The following LZTFL1 variants were observed in gnomAD, a reference collection of about 807,000 sequenced individuals.
LZTFL1 encodes leucine zipper transcription factor like 1, also known as leucine zipper transcription factor-like protein 1.
Under a neutral mutation model 45.9 loss-of-function variants are expected in LZTFL1, and 25 were observed. That is an observed-to-expected ratio of 0.54 (90% CI 0.40 to 0.76). LZTFL1 has a LOEUF of 0.76. Ranked by LOEUF, LZTFL1 falls within the 30% of genes least tolerant of loss-of-function variation. LZTFL1 has a pLI of 0.00. For synonymous variants in LZTFL1, 93 were observed against 117.4 expected, an observed-to-expected ratio of 0.79 and a Z score of 1.35; for missense variants, 277 against 331.1, an observed-to-expected ratio of 0.84 and a Z score of 1.27.
At position 45,842,020 on chromosome 3, in the gene LZTFL1, G is replaced by T. The variant is rs377462286; in HGVS notation, c.-29C>A. On this transcript the variant is annotated 5_prime_UTR_variant, in exon 1 of 10. Coordinates refer to ENST00000296135, the MANE Select transcript of LZTFL1 (RefSeq NM_020347.4). ...GGCAGGCAGCGGCGGCAGCCTAAAG[G>T]AACGGGAGAGGCCAGGCGGTGCCCC... is the stretch of plus-strand genomic sequence containing the variant. 1.2e-6 allele frequency: 2 copies of T among 1,607,506 alleles called. No homozygotes were observed. The highest frequency in any genetic ancestry group is 1.1e-5 in the South Asian group (1 of 90,544).
chr3:45,894,926 G>C, intron 2 of LZTFL1: 1 of 1,613,982 alleles, frequency 6.2e-7, no homozygotes, highest in Non-Finnish European at 8.5e-7. Context: ...GCATCTGACT[G>C]ACCCACCATG....
chr3:45,868,873 C>T (rs1043117918), intron 2 of LZTFL1, among the ~76,000 whole-genome samples: 6 of 152,302 alleles, frequency 3.9e-5, no homozygotes, highest in Non-Finnish European at 5.9e-5. Context: ...AAGACTCTCC[C>T]TTGACATCCA....
rs1179744965 is a variant in LZTFL1 at position 45,901,144 on chromosome 3, G to T, written c.-215+11976C>A. The stretch of plus-strand genomic sequence containing the variant: ...CAGTGGAAGTTCCAGACCTTCATGT[G>T]CAAGGTGGTCAACAGCATGTACAAG... On this transcript the variant is annotated intron_variant, in intron 2 of 4. Transcript: ENST00000472635. The surrounding 1 kb of genome is among the most constrained non-coding windows in gnomAD (Gnocchi z 4.3). 1 of 1,614,172 alleles carries T rather than the reference G, an allele frequency of 6.2e-7. No homozygotes were observed. The highest frequency in any genetic ancestry group is 1.7e-5 in the Admixed American group (1 of 60,032).
intron 2 of LZTFL1, among the ~76,000 whole-genome samples, chr3:45,896,660 C>A (rs1483606468): frequency 6.6e-6 from 1 of 152,194 alleles, no homozygotes; most frequent in Non-Finnish European, 1.5e-5. Flanking sequence ...GGGTGAATGT[C>A]AAAGCACTGA....
chr3:45,903,456 G>A (rs181251414), intron 2 of LZTFL1, among the ~76,000 whole-genome samples: 42 of 152,320 alleles, frequency 2.8e-4, no homozygotes, highest in Admixed American at 1.0e-3. Flanking sequence ...AGGACTATTG[G>A]AACAGCACAG....
At position 45,851,312 on chromosome 3, in the gene LZTFL1, C is replaced by T. The variant is rs888169118; in HGVS notation, c.-49+3674G>A. Among the ~76,000 whole-genome samples the T allele has an allele frequency of 7.9e-5, 12 of 151,446 alleles. 1 individual carries two copies. The East Asian group carries it at 1.6e-3, about 20-fold the overall frequency. On this transcript the variant is annotated intron_variant, in intron 4 of 4. Transcript: ENST00000472635. ...CATGATCTCGGCTCACTGCAACCTC[C>T]GCCTCCTGGGTTCAAGCGATTCTCC...
intron 1 of LZTFL1, chr3:45,915,389 G>A: frequency 7.7e-6 from 3 of 391,426 alleles, no homozygotes; most frequent in South Asian, 5.5e-5. Context: ...CCTCTCTCAA[G>A]CCAGGGAGAA....
intron 9 of LZTFL1, 186 bp downstream of exon 9, chr3:45,827,170 A>G (rs1700689306): frequency 1.8e-6 from 1 of 565,646 alleles, no homozygotes; most frequent in Non-Finnish European, 3.1e-6. Context: ...ACCTAAAAAG[A>G]AGCCCTGGTG....
chr3:45,897,909 C>T (rs180682570), intron 2 of LZTFL1, among the ~76,000 whole-genome samples: 2 of 145,986 alleles, frequency 1.4e-5, no homozygotes, highest in East Asian at 4.2e-4. Flanking sequence ...ATCTGTGAGG[C>T]TGCTTGCGAT....
chr3:45,892,014 C>A (rs1367333004), intron 2 of LZTFL1, among the ~76,000 whole-genome samples: 2 of 152,072 alleles, frequency 1.3e-5, no homozygotes, highest in Non-Finnish European at 2.9e-5. Context: ...GTCTTCAAAT[C>A]CAACACCATC....
rs1057003596 is a variant in LZTFL1, at chr3:45,828,619, T to C, written c.601-4A>G. On this transcript the variant is annotated splice_region_variant and splice_polypyrimidine_tract_variant and intron_variant, in intron 7 of 9. Coordinates refer to ENST00000296135, the MANE Select transcript of LZTFL1 (RefSeq NM_020347.4). ...AGTCTTGGGCCTTTATAAAATCCTA[T>C]GAAAAATAAATGCATGCATGTAATT... The C allele has an allele frequency of 6.3e-7, 1 of 1,599,974 alleles. No homozygotes were observed.
At chr3:45,846,917 G>A (rs1049670689), upstream of LZTFL1, among the ~76,000 whole-genome samples, 3 of 152,010 alleles carry the variant, frequency 2.0e-5, no homozygotes, top group African/African-American at 4.8e-5. Flanking sequence ...TCCTTCTTCC[G>A]CCATTTGCAT....
In LZTFL1 at chr3:45,855,158, C is replaced by T. The variant is rs1701370009; in HGVS notation, c.-137-84G>A. 1.4e-4 allele frequency: 111 copies of T among 805,858 alleles called. 3 individuals are homozygous for T. The South Asian group carries it at 1.8e-3, about 13-fold the overall frequency. The allele number at this position is 805,858 out of a possible 1,614,324, so 49.9% of individuals were successfully genotyped here. ...ATATGATGAACATCAATGCAAAAAT[C>T]CTCAATAAAATACTGGCAAACCGAA... On this transcript the variant is annotated intron_variant, in intron 3 of 4. Coordinates refer to the LZTFL1 transcript ENST00000472635.
At chr3:45,887,344 A>C (rs1217043704) in intron 2 of LZTFL1, among the ~76,000 whole-genome samples, 1 of 152,112 alleles carries the variant, frequency 6.6e-6, no homozygotes, top group African/African-American at 2.4e-5. Context: ...AAACTAGGAA[A>C]GGGTGCTTCA....
chr3:45,826,734 G>A (rs1700676997), intron 9 of LZTFL1, among the ~76,000 whole-genome samples: 3 of 152,196 alleles, frequency 2.0e-5, no homozygotes, highest in African/African-American at 7.2e-5. Context: ...TGTCAACTCA[G>A]TTTCCAGGCA....
At chr3:45,891,412 C>T (rs1702175033) in intron 2 of LZTFL1, among the ~76,000 whole-genome samples, 1 of 152,084 alleles carries the variant, frequency 6.6e-6, no homozygotes, top group South Asian at 2.1e-4. Flanking sequence ...TCATTTTGTC[C>T]TACTGGCTTT....
chr3:45,894,856 A>G (rs1323987658), intron 2 of LZTFL1: 1 of 1,315,610 alleles, frequency 7.6e-7, no homozygotes, highest in Non-Finnish European at 1.1e-6. Flanking sequence ...TTTGGTTGTT[A>G]CTATTCGTTT....
In LZTFL1 at chr3:45,900,676, C is replaced by T; in HGVS notation, c.-215+12444G>A. The T allele has an allele frequency of 8.7e-6, 7 of 802,980 alleles. No individual in the cohort carries two copies. Among genetic ancestry groups the T allele is most frequent in the Non-Finnish European group, 8.0e-6 (4 of 499,732 alleles). 49.7% of individuals were successfully genotyped at this position (802,980 alleles called of 1,614,324 possible). A position where few individuals can be genotyped will look rare whatever the true frequency, so the allele number is the denominator to read the frequency against. The stretch of plus-strand genomic sequence containing the variant: ...ATGTCACAACCCAAGCAGATGTCCT[C>T]AGAATGCCTATGTGTCTTTGGCCTT... On this transcript the variant is annotated intron_variant, in intron 2 of 4. Transcript: ENST00000472635. This position sits in a 1 kb window ranked among gnomAD's most constrained non-coding sequence, Gnocchi z 4.7.
upstream of LZTFL1, among the ~76,000 whole-genome samples, chr3:45,842,872 T>A (rs1164355931): frequency 6.6e-6 from 1 of 152,154 alleles, no homozygotes; most frequent in Non-Finnish European, 1.5e-5. Flanking sequence ...AGGACCACTC[T>A]TAGAAACACT....
Sources: allele counts gnomAD v4.1 joint callset (sites outside exome capture counted in the v4.1 genomes callset), GRCh38; gene constraint gnomAD v4.1.1; non-coding constraint Gnocchi (gnomAD v3.1); transcripts MANE v1.5; gene names NCBI Gene and HGNC (gene_info 2026-07-23, HGNC 2026-07-21).